The following SLC35F4 variants were observed in gnomAD, a reference collection of about 807,000 sequenced individuals.
SLC35F4 encodes chromosome 14 open reading frame 36.
A neutral mutation model predicts 44.2 loss-of-function variants in SLC35F4; 24 were observed. The ratio of observed to expected loss-of-function variants is 0.54; its 90% CI spans 0.39 to 0.76. SLC35F4 has a LOEUF of 0.76. Ranked by LOEUF, SLC35F4 falls within the 30% of genes least tolerant of loss-of-function variation. The pLI is 0.00. For synonymous variants in SLC35F4, 238 were observed against 223.6 expected (o/e 1.06, Z -0.57); for missense variants, 562 against 586.1 (o/e 0.96, Z 0.42).
At chr14:57,729,389 G>C (rs992739737) in intron 1 of SLC35F4, among the ~76,000 whole-genome samples, 8 of 152,204 alleles carry the variant, frequency 5.3e-5, no homozygotes, top group Non-Finnish European at 8.8e-5. Context: ...CCCAAGGCCT[G>C]TGGCATACTC....
intron 1 of SLC35F4, among the ~76,000 whole-genome samples, chr14:57,846,570 T>A (rs1471071129): frequency 1.3e-5 from 2 of 152,240 alleles, no homozygotes; most frequent in Admixed American, 6.5e-5. Context: ...TGAGAGTCTT[T>A]AGTGAATTTT....
chr14:57,623,046 G>A (rs749917633), intron 1 of SLC35F4, among the ~76,000 whole-genome samples: 9 of 152,056 alleles, frequency 5.9e-5, no homozygotes, highest in African/African-American at 1.9e-4. Flanking sequence ...AGACCCATCA[G>A]TGTGCTGTAT....
At chr14:57,892,591 C>T (rs1026710673) in intron 1 of SLC35F4, among the ~76,000 whole-genome samples, 1 of 152,208 alleles carries the variant, frequency 6.6e-6, no homozygotes, top group African/African-American at 2.4e-5. Flanking sequence ...TTAACGTTTA[C>T]AAGACCTACA....
At chr14:57,655,674 G>A (rs2073942867) in intron 1 of SLC35F4, among the ~76,000 whole-genome samples, 1 of 152,106 alleles carries the variant, frequency 6.6e-6, no homozygotes, top group Non-Finnish European at 1.5e-5. Context: ...CTCACCCAGA[G>A]CTGTTTCTGC....
intron 1 of SLC35F4, among the ~76,000 whole-genome samples, chr14:57,615,415 T>G (rs1354782187): frequency 2.0e-5 from 3 of 151,994 alleles, no homozygotes; most frequent in Non-Finnish European, 2.9e-5. Context: ...CTTTAAGGAG[T>G]GTATTTTCCA....
At chr14:57,749,331 G>C (rs958858222) in intron 1 of SLC35F4, among the ~76,000 whole-genome samples, 6 of 152,090 alleles carry the variant, frequency 3.9e-5, no homozygotes, top group Middle Eastern at 3.2e-3. Context: ...TAAAAATTGG[G>C]AGTAACCATT....
intron 1 of SLC35F4, among the ~76,000 whole-genome samples, chr14:57,775,428 C>T (rs2077465167): frequency 6.6e-6 from 1 of 152,218 alleles, no homozygotes; most frequent in Non-Finnish European, 1.5e-5. Context: ...GAGCAAGCAC[C>T]TCAGCCCCTC....
In SLC35F4 at chr14:57,835,188, C is replaced by A. The variant is rs570809155; in HGVS notation, c.103+30535G>T. Among the ~76,000 whole-genome samples the A allele has an allele frequency of 1.2e-3, 176 of 152,284 alleles. 2 individuals are homozygous for A. The highest frequency in any genetic ancestry group is 4.0e-3 in the African/African-American group (165 of 41,550). On this transcript the variant is annotated intron_variant, in intron 1 of 7. Coordinates refer to ENST00000556826, the MANE Select transcript of SLC35F4 (RefSeq NM_001306087.2). The stretch of plus-strand genomic sequence containing the variant: ...CCGTGCTTGAAGAAAAGGGCCCCTC[C>A]CATCTCCTTCAGATCCTGTAATCAT...
intron 1 of SLC35F4, among the ~76,000 whole-genome samples, chr14:57,862,158 A>G (rs1887735575): frequency 6.6e-6 from 1 of 152,114 alleles, no homozygotes; most frequent in Non-Finnish European, 1.5e-5. Context: ...ACCAGAAAAG[A>G]TGCAGTCATT....
intron 1 of SLC35F4, among the ~76,000 whole-genome samples, chr14:57,878,395 C>T (rs1472827682): frequency 6.6e-6 from 1 of 152,152 alleles, no homozygotes; most frequent in African/African-American, 2.4e-5. Flanking sequence ...AATGGTTCAA[C>T]AGGACTCTTA....
At chr14:57,732,118 ATTTAC>A (rs2076358524) in intron 1 of SLC35F4, among the ~76,000 whole-genome samples, 1 of 152,272 alleles carries the variant, frequency 6.6e-6, no homozygotes, top group Non-Finnish European at 1.5e-5. Flanking sequence ...TTTTCTCTAT[ATTTAC>A]TTTAACTCAG....
chr14:57,820,973 G>C (rs1265316584), intron 1 of SLC35F4, among the ~76,000 whole-genome samples: 1 of 152,176 alleles, frequency 6.6e-6, no homozygotes, highest in Non-Finnish European at 1.5e-5. Flanking sequence ...TCTTTACTGT[G>C]ACCTAAATTT....
chr14:57,897,858 T>G (rs2141043202), intron 1 of SLC35F4, among the ~76,000 whole-genome samples: 1 of 152,248 alleles, frequency 6.6e-6, no homozygotes, highest in African/African-American at 2.4e-5. Flanking sequence ...CTTCTGAATA[T>G]TTGGGTTTTG....
intron 1 of SLC35F4, among the ~76,000 whole-genome samples, chr14:57,938,734 A>T (rs1279344756): frequency 6.6e-6 from 1 of 152,186 alleles, no homozygotes; most frequent in African/African-American, 2.4e-5. Context: ...AACTCCTGAC[A>T]GGTTCTGTGG....
At chr14:57,711,033 G>C (rs1394242527) in intron 1 of SLC35F4, among the ~76,000 whole-genome samples, 1 of 151,940 alleles carries the variant, frequency 6.6e-6, no homozygotes, top group Non-Finnish European at 1.5e-5. Flanking sequence ...GGAATTATAT[G>C]GTTTGGCTGT....
At position 57,908,805 on chromosome 14, in the gene SLC35F4, A is replaced by G. The variant is rs557694383; in HGVS notation, n.282+73108T>C. 1.9e-3 allele frequency among the ~76,000 whole-genome samples: 291 copies of G among 152,250 alleles called. 2 individuals carry two copies. The highest frequency in any genetic ancestry group is 6.0e-3 in the African/African-American group (250 of 41,544). Reference sequence around the variant, plus strand: ...TAGTTTAATTAGATCCCATTTGTCAATTTTGGCTTTTGTTGCCATTGTTTT... The same window carrying G: ...TAGTTTAATTAGATCCCATTTGTCAGTTTTGGCTTTTGTTGCCATTGTTTT... On this transcript the variant is annotated intron_variant and non_coding_transcript_variant, in intron 1 of 1. Transcript: ENST00000556568.
At chr14:57,669,878 C>T (rs145011553) in intron 1 of SLC35F4, among the ~76,000 whole-genome samples, 11 of 152,060 alleles carry the variant, frequency 7.2e-5, no homozygotes, top group African/African-American at 9.7e-5. Context: ...TCTTTTTCTA[C>T]GGATTGGAAT....
intron 2 of SLC35F4, among the ~76,000 whole-genome samples, chr14:57,592,201 G>A (rs1258468914): frequency 6.6e-6 from 1 of 152,202 alleles, no homozygotes; most frequent in African/African-American, 2.4e-5. Flanking sequence ...AGAGGCCACT[G>A]GAATTTGGAA....
chr14:57,902,576 A>C (rs573499955), intron 1 of SLC35F4, among the ~76,000 whole-genome samples: 3 of 117,444 alleles, frequency 2.6e-5, no homozygotes, highest in Non-Finnish European at 5.7e-5. Context: ...AAAAAAAAAA[A>C]AGAAGAAGAA....
Sources: allele counts gnomAD v4.1 joint callset (sites outside exome capture counted in the v4.1 genomes callset), GRCh38; gene constraint gnomAD v4.1.1; transcripts MANE v1.5; gene names NCBI Gene and HGNC (gene_info 2026-07-23, HGNC 2026-07-21).